Variants in TAOK3 observed in about 807,000 individuals in gnomAD.
The protein encoded by TAOK3 is TAO kinase 3, also known as serine/threonine-protein kinase TAO3.
TAOK3 carries 40 observed loss-of-function variants against 120.4 expected under a neutral mutation model. The observed-to-expected ratio is 0.33, with a 90% CI of 0.26 to 0.43. The LOEUF is 0.43. Among genes scored for constraint, TAOK3 ranks in the 20% least tolerant of loss-of-function variants. TAOK3 has a pLI of 1.00. For synonymous variants in TAOK3, 355 were observed against 387.5 expected, an observed-to-expected ratio of 0.92 and a Z score of 0.99; for missense variants, 821 against 1,112.1, an observed-to-expected ratio of 0.74 and a Z score of 3.72.
intron 1 of TAOK3, among the ~76,000 whole-genome samples, chr12:118,336,960 G>A (rs1321140228): frequency 6.6e-6 from 1 of 152,032 alleles, no homozygotes; most frequent in East Asian, 1.9e-4. Flanking sequence ...CTGGGGAGGC[G>A]GAGGCATGAG....
chr12:118,239,173 T>C, intron 6 of TAOK3, 54 bp downstream of exon 6: 2 of 1,154,362 alleles, frequency 1.7e-6, no homozygotes, highest in Non-Finnish European at 2.6e-6. Flanking sequence ...TGGCGGTAGA[T>C]AACATTCTGA....
At chr12:118,319,156 T>C (rs2043595602) in intron 1 of TAOK3, among the ~76,000 whole-genome samples, 1 of 152,234 alleles carries the variant, frequency 6.6e-6, no homozygotes, top group African/African-American at 2.4e-5. Flanking sequence ...GCTTGATGTA[T>C]TCATTCTACA....
At chr12:118,193,550 G>C (rs932929698) in intron 13 of TAOK3, among the ~76,000 whole-genome samples, 1 of 152,134 alleles carries the variant, frequency 6.6e-6, no homozygotes, top group Non-Finnish European at 1.5e-5. Flanking sequence ...TTAAGTGTCT[G>C]ACCATTACAC....
intron 1 of TAOK3, among the ~76,000 whole-genome samples, chr12:118,282,335 C>T (rs969471012): frequency 4.6e-5 from 7 of 152,202 alleles, no homozygotes; most frequent in African/African-American, 1.7e-4. Context: ...TACTTGATCA[C>T]ATTGTTATTT....
rs566370774 is a variant in TAOK3 at position 118,224,149 on chromosome 12, T to C, written c.643+9525A>G. The stretch of plus-strand genomic sequence containing the variant: ...CTGAAGAAACTGAGGTTCAGCTAAG[T>C]AACAAAACCAAATCACATAGTGTTT... On this transcript the variant is annotated intron_variant, in intron 9 of 20. Transcript: ENST00000392533. Among the ~76,000 whole-genome samples the C allele has an allele frequency of 7.2e-5, 11 of 152,328 alleles. No individual in the cohort carries two copies. In the East Asian group the frequency reaches 2.1e-3, roughly 29 times the overall value.
chr12:118,364,436 G>A (rs1003075530), intron 1 of TAOK3, among the ~76,000 whole-genome samples: 8 of 151,958 alleles, frequency 5.3e-5, no homozygotes, highest in African/African-American at 1.9e-4. Flanking sequence ...ATAGTGGTCT[G>A]GTTTACCATG....
chr12:118,284,092 A>G (rs546679148), intron 1 of TAOK3, among the ~76,000 whole-genome samples: 1 of 152,358 alleles, frequency 6.6e-6, no homozygotes, highest in Non-Finnish European at 1.5e-5. Context: ...AAAAGAATTG[A>G]AAGAATATAA....
At chr12:118,364,964 T>A (rs1438480509) in intron 1 of TAOK3, among the ~76,000 whole-genome samples, 1 of 152,206 alleles carries the variant, frequency 6.6e-6, no homozygotes, top group Non-Finnish European at 1.5e-5. Flanking sequence ...CTTGGCACTT[T>A]AAAAAAATCA....
intron 5 of TAOK3, among the ~76,000 whole-genome samples, chr12:118,239,645 G>A (rs2040158405): frequency 6.6e-6 from 1 of 152,096 alleles, no homozygotes; most frequent in African/African-American, 2.4e-5. Context: ...ACAAATACAC[G>A]AGCCAGTAAA....
intron 1 of TAOK3, among the ~76,000 whole-genome samples, chr12:118,360,545 G>C (rs2045561376): frequency 7.0e-6 from 1 of 143,674 alleles, no homozygotes; most frequent in Admixed American, 7.3e-5. Context: ...TCCAGCCCGG[G>C]CGACACAGCG....
At chr12:118,269,014 A>C (rs2041580690) in intron 1 of TAOK3, among the ~76,000 whole-genome samples, 1 of 152,208 alleles carries the variant, frequency 6.6e-6, no homozygotes, top group African/African-American at 2.4e-5. Flanking sequence ...TCTCAGAAGA[A>C]AGAAAAGAAA....
intron 17 of TAOK3, among the ~76,000 whole-genome samples, chr12:118,171,321 C>T (rs1293355058): frequency 6.6e-6 from 1 of 152,208 alleles, no homozygotes; most frequent in Non-Finnish European, 1.5e-5. Context: ...TTCATGACTT[C>T]TATCTCTCTA....
intron 9 of TAOK3, among the ~76,000 whole-genome samples, chr12:118,214,662 G>A (rs1043336150): frequency 6.6e-6 from 1 of 151,500 alleles, no homozygotes; most frequent in Admixed American, 6.6e-5. Context: ...CTGCCTCCTG[G>A]GTTCAAGTGA....
chr12:118,217,288 A>T (rs777056087), intron 9 of TAOK3, among the ~76,000 whole-genome samples: 1 of 152,206 alleles, frequency 6.6e-6, no homozygotes, highest in East Asian at 1.9e-4. Context: ...GTAAACTTTA[A>T]GTCATTTAGT....
chr12:118,187,302 T>C (rs553384691), intron 14 of TAOK3, among the ~76,000 whole-genome samples: 1 of 152,318 alleles, frequency 6.6e-6, no homozygotes, highest in African/African-American at 2.4e-5. Context: ...GATTTTTTAT[T>C]ATACTGGACT....
chr12:118,190,478 G>C (rs1448365226), intron 13 of TAOK3: 2 of 152,694 alleles, frequency 1.3e-5, no homozygotes, highest in Non-Finnish European at 2.9e-5. Context: ...TCTTGTGCTG[G>C]GAAGATTCGG....
intron 9 of TAOK3, among the ~76,000 whole-genome samples, chr12:118,218,616 T>C (rs1176956326): frequency 6.6e-6 from 1 of 152,224 alleles, no homozygotes; most frequent in Non-Finnish European, 1.5e-5. Flanking sequence ...AGACATTTTC[T>C]TGTCATTATT....
At chr12:118,172,999 C>T (rs192535119) in intron 16 of TAOK3, among the ~76,000 whole-genome samples, 2 of 152,124 alleles carry the variant, frequency 1.3e-5, no homozygotes, top group South Asian at 2.1e-4. Flanking sequence ...TAACTGCCAC[C>T]GTGTGTCTTT....
chr12:118,354,072 C>T (rs17512609), intron 1 of TAOK3, among the ~76,000 whole-genome samples: 4 of 152,206 alleles, frequency 2.6e-5, no homozygotes, highest in East Asian at 1.9e-4. Context: ...ATTGTGAGAA[C>T]GGAAAACATT....
Sources: gnomAD v4.1 joint callset for allele counts (sites outside exome capture counted in the v4.1 genomes callset) on GRCh38, gnomAD v4.1.1 for gene constraint, MANE v1.5 for transcripts, NCBI Gene and HGNC (gene_info 2026-07-23, HGNC 2026-07-21) for gene names.